PRKCH: variants seen among roughly 807,000 people sequenced by gnomAD.
PRKCH encodes the protein protein kinase C eta type.
Under a neutral mutation model 82.5 loss-of-function variants are expected in PRKCH, and 28 were observed. The ratio of observed to expected loss-of-function variants is 0.34; its 90% CI spans 0.25 to 0.47. The LOEUF (loss-of-function observed/expected upper bound fraction) is 0.47, where lower values mean the gene tolerates loss of function less well. Among genes scored for constraint, PRKCH ranks in the 20% least tolerant of loss-of-function variants. The pLI is 1.00. For synonymous variants in PRKCH, 322 were observed against 327.4 expected, an observed-to-expected ratio of 0.98 and a Z score of 0.18; for missense variants, 705 against 881.8, an observed-to-expected ratio of 0.80 and a Z score of 2.54.
intron 1 of PRKCH, among the ~76,000 whole-genome samples, chr14:61,265,013 G>A (rs1325719192): frequency 6.6e-6 from 1 of 152,154 alleles, no homozygotes; most frequent in African/African-American, 2.4e-5. Flanking sequence ...ACCACGTGTT[G>A]AGGACTAGCA....
intron 1 of PRKCH, among the ~76,000 whole-genome samples, chr14:61,237,226 G>A (rs898839115): frequency 2.1e-5 from 3 of 143,110 alleles, no homozygotes; most frequent in Non-Finnish European, 4.5e-5. Flanking sequence ...CTGGGTGACA[G>A]AGCAAGACTC....
intron 1 of PRKCH, among the ~76,000 whole-genome samples, chr14:61,223,505 T>C (rs1378594219): frequency 2.0e-5 from 3 of 152,210 alleles, no homozygotes; most frequent in African/African-American, 7.2e-5. Context: ...CTTTGGCTCC[T>C]ACCATTTGGC....
rs893520611 is a variant in PRKCH, at chr14:61,296,341, G to A, written c.-19+108673G>A. On this transcript the variant is annotated intron_variant, in intron 1 of 3. Coordinates refer to the PRKCH transcript ENST00000555185. ...AAGCTTGGCAGCTCCTCGGGGGATC[G>A]GCTAAGCTGATACACACCCCTGCTC... Among the ~76,000 whole-genome samples, 7 of 152,212 alleles carry A rather than the reference G, an allele frequency of 4.6e-5. No homozygotes were observed. In the East Asian group the frequency reaches 9.6e-4, roughly 21 times the overall value.
chr14:61,288,249 T>G (rs1375028976), intron 1 of PRKCH, among the ~76,000 whole-genome samples: 2 of 152,116 alleles, frequency 1.3e-5, no homozygotes, highest in Non-Finnish European at 2.9e-5. Context: ...GAAAAAAAAC[T>G]AAATACAAAT....
chr14:61,297,781 G>A (rs1248521097), intron 1 of PRKCH, among the ~76,000 whole-genome samples: 2 of 152,148 alleles, frequency 1.3e-5, no homozygotes, highest in African/African-American at 4.8e-5. Flanking sequence ...TTCCTAACCG[G>A]CCACAGGACT....
At chr14:61,324,572 A>G (rs909634815) in intron 1 of PRKCH, among the ~76,000 whole-genome samples, 4 of 152,068 alleles carry the variant, frequency 2.6e-5, no homozygotes, top group African/African-American at 9.7e-5. Flanking sequence ...AAAAATTTGG[A>G]AATATATGGA....
chr14:61,432,378 C>A (rs1010108043), intron 2 of PRKCH, among the ~76,000 whole-genome samples: 1 of 152,150 alleles, frequency 6.6e-6, no homozygotes, highest in Non-Finnish European at 1.5e-5. Context: ...TCGAACATTT[C>A]CCTCCTTCTT....
intron 1 of PRKCH, among the ~76,000 whole-genome samples, chr14:61,272,816 T>G (rs2045169894): frequency 6.6e-6 from 1 of 152,226 alleles, no homozygotes; most frequent in African/African-American, 2.4e-5. Context: ...TTGCAACTTT[T>G]CTTTGCTTTC....
chr14:61,288,032 G>A (rs566758368), intron 1 of PRKCH, among the ~76,000 whole-genome samples: 244 of 152,248 alleles, frequency 1.6e-3, no homozygotes, highest in African/African-American at 5.5e-3. Flanking sequence ...AAAGTTATCA[G>A]ATTTTAAAAT....
At chr14:61,382,857 G>T (rs1038099001) in intron 1 of PRKCH, among the ~76,000 whole-genome samples, 1 of 152,224 alleles carries the variant, frequency 6.6e-6, no homozygotes, top group Non-Finnish European at 1.5e-5. Context: ...AATGGCTTTT[G>T]TGAAGGGAAA....
chr14:61,495,139 A>G (rs1266025480), intron 10 of PRKCH, among the ~76,000 whole-genome samples: 1 of 152,240 alleles, frequency 6.6e-6, no homozygotes, highest in Non-Finnish European at 1.5e-5. Context: ...TTTTCAGACC[A>G]TTAGTGGAGT....
chr14:61,372,864 G>T (rs2046380920), intron 1 of PRKCH, among the ~76,000 whole-genome samples: 1 of 151,982 alleles, frequency 6.6e-6, no homozygotes, highest in Non-Finnish European at 1.5e-5. Context: ...AGTGTTCTCT[G>T]TCTACCATTA....
intron 1 of PRKCH, among the ~76,000 whole-genome samples, chr14:61,342,612 G>GT (rs1180887892): frequency 2.0e-5 from 3 of 152,192 alleles, no homozygotes; most frequent in Non-Finnish European, 4.4e-5. Context: ...GGTTTGCACT[G>GT]TAAGTGTTTC....
At chr14:61,282,602 A>G (rs982808918) in intron 1 of PRKCH, among the ~76,000 whole-genome samples, 1 of 152,166 alleles carries the variant, frequency 6.6e-6, no homozygotes, top group Admixed American at 6.5e-5. Context: ...TTGCAGTTTG[A>G]TAGGGGACAT....
chr14:61,311,610 C>T (rs2045524553), intron 1 of PRKCH, among the ~76,000 whole-genome samples: 1 of 152,220 alleles, frequency 6.6e-6, no homozygotes, highest in African/African-American at 2.4e-5. Context: ...AGCAGTGCCC[C>T]ACTCTTGGTA....
chr14:61,242,604 G>T (rs1365014407), intron 1 of PRKCH, among the ~76,000 whole-genome samples: 1 of 151,854 alleles, frequency 6.6e-6, no homozygotes, highest in Non-Finnish European at 1.5e-5. Flanking sequence ...CCCCATGTTG[G>T]CCAGGCTGGT....
At chr14:61,239,106 G>T (rs188793722) in intron 1 of PRKCH, among the ~76,000 whole-genome samples, 3 of 152,108 alleles carry the variant, frequency 2.0e-5, no homozygotes, top group African/African-American at 7.2e-5. Flanking sequence ...CACCAGGCTC[G>T]CTGTTCCCTC....
intron 1 of PRKCH, among the ~76,000 whole-genome samples, chr14:61,373,214 A>C (rs927261267): frequency 2.0e-5 from 3 of 152,006 alleles, no homozygotes; most frequent in African/African-American, 7.3e-5. Context: ...CTATGAAGAA[A>C]GAGGTTTAAT....
intron 12 of PRKCH, among the ~76,000 whole-genome samples, chr14:61,540,340 A>C (rs2043166807): frequency 6.6e-6 from 1 of 152,344 alleles, no homozygotes; most frequent in East Asian, 1.9e-4. Flanking sequence ...ATTAGGTGAA[A>C]GTAAAGTAAA....
Sources: gnomAD v4.1 joint callset for allele counts (sites outside exome capture counted in the v4.1 genomes callset) on GRCh38, gnomAD v4.1.1 for gene constraint, MANE v1.5 for transcripts, NCBI Gene and HGNC (gene_info 2026-07-23, HGNC 2026-07-21) for gene names.